SLC25A26: variants seen among roughly 807,000 people sequenced by gnomAD.
The protein encoded by SLC25A26 is mitochondrial S-adenosylmethionine carrier protein.
In SLC25A26, 36 loss-of-function variants were observed where a neutral mutation model predicts 37.8. The ratio of observed to expected loss-of-function variants is 0.95; its 90% CI spans 0.73 to 1.26. The LOEUF (loss-of-function observed/expected upper bound fraction) is 1.26. Ranked by LOEUF, SLC25A26 falls within the 50% of genes most tolerant of loss-of-function variation. The probability of loss-of-function intolerance (pLI) is 0.00; values close to 1 mark genes in which losing one functional copy is unlikely to be tolerated. For missense variants in SLC25A26, 390 were observed against 331.1 expected (o/e 1.18, Z -1.38); for synonymous variants, 129 against 122.5 (o/e 1.05, Z -0.35).
intron 1 of SLC25A26, among the ~76,000 whole-genome samples, chr3:66,209,040 G>GTA (rs1172568131): frequency 0.014 from 479 of 33,452 alleles, 8 homozygotes; most frequent in African/African-American, 0.042. Context: ...ATATAAAGGT[G>GTA]TATATATATA....
intron 5 of SLC25A26, among the ~76,000 whole-genome samples, chr3:66,331,458 A>C (rs897653310): frequency 2.0e-5 from 3 of 152,178 alleles, no homozygotes; most frequent in Admixed American, 6.5e-5. Flanking sequence ...TCTCATTTCC[A>C]TGCCTATCCT....
intron 1 of SLC25A26, among the ~76,000 whole-genome samples, chr3:66,227,994 C>T (rs187925169): frequency 6.6e-6 from 1 of 152,180 alleles, no homozygotes; most frequent in African/African-American, 2.4e-5. Context: ...TAAAGATTAT[C>T]TCCAAATTTA....
upstream of SLC25A26, chr3:66,220,752 C>T: frequency 2.4e-6 from 1 of 408,412 alleles, no homozygotes; most frequent in Non-Finnish European, 4.4e-6. Context: ...TTCAGAATCA[C>T]GCCGGCCTCA....
intron 1 of SLC25A26, among the ~76,000 whole-genome samples, chr3:66,188,732 A>T (rs1298254614): frequency 3.3e-5 from 5 of 152,100 alleles, no homozygotes; most frequent in African/African-American, 1.2e-4. Flanking sequence ...CACAAAATGG[A>T]CTAAGACACT....
At chr3:66,291,870 T>C (rs1221374684) in intron 5 of SLC25A26, among the ~76,000 whole-genome samples, 2 of 152,222 alleles carry the variant, frequency 1.3e-5, no homozygotes, top group African/African-American at 2.4e-5. Context: ...ATTTTCTGTC[T>C]TGTTGATCTG....
chr3:66,276,471 T>C (rs2074151214), intron 5 of SLC25A26, among the ~76,000 whole-genome samples: 1 of 152,090 alleles, frequency 6.6e-6, no homozygotes, highest in South Asian at 2.1e-4. Context: ...GAGCACAATT[T>C]CTGAGTGTTA....
At chr3:66,267,244 A>G (rs1288318094) in intron 5 of SLC25A26, among the ~76,000 whole-genome samples, 1 of 152,228 alleles carries the variant, frequency 6.6e-6, no homozygotes, top group Non-Finnish European at 1.5e-5. Context: ...AAGGAGTGGC[A>G]GTTAGAAGTA....
chr3:66,220,714 C>A (rs916513319), upstream of SLC25A26: 2 of 319,728 alleles, frequency 6.3e-6, no homozygotes, highest in African/African-American at 4.5e-5. Flanking sequence ...CTCCCTCCGC[C>A]ACAGCCACGC....
At chr3:66,281,584 A>G (rs1244585971) in intron 5 of SLC25A26, among the ~76,000 whole-genome samples, 1 of 152,158 alleles carries the variant, frequency 6.6e-6, no homozygotes, top group Non-Finnish European at 1.5e-5. Flanking sequence ...AAAATAGCCT[A>G]ATTGAGTTAG....
At chr3:66,142,123 A>G (rs1302484564) in intron 1 of SLC25A26, among the ~76,000 whole-genome samples, 3 of 152,052 alleles carry the variant, frequency 2.0e-5, no homozygotes, top group Admixed American at 1.3e-4. Flanking sequence ...CCCCATACCT[A>G]TTTGGCAGTT....
chr3:66,231,529 A>G (rs2072031156), intron 1 of SLC25A26, among the ~76,000 whole-genome samples: 1 of 152,140 alleles, frequency 6.6e-6, no homozygotes, highest in Non-Finnish European at 1.5e-5. Flanking sequence ...ATTAATTGTT[A>G]AAAAATTAAC....
chr3:66,227,810 A>G lies in SLC25A26; in HGVS notation c.33+6683A>G, dbSNP rs1024054416. 5.3e-5 allele frequency among the ~76,000 whole-genome samples: 8 copies of G among 152,150 alleles called. No individual in the cohort carries two copies. In the South Asian group the frequency reaches 6.2e-4, roughly 12 times the overall value. On this transcript the variant is annotated intron_variant, in intron 1 of 9. Transcript: ENST00000354883. ...ACAGGCAGTAGGATACTTGAGGGGA[A>G]CAATGTGGGTTATGATGGCAGGGGT... is the stretch of plus-strand genomic sequence containing the variant.
intron 5 of SLC25A26, among the ~76,000 whole-genome samples, chr3:66,323,605 G>C (rs550577566): frequency 7.2e-5 from 11 of 152,160 alleles, no homozygotes; most frequent in Non-Finnish European, 1.3e-4. Context: ...TTAGGAGTTT[G>C]AGACCAGCTT....
intron 5 of SLC25A26, among the ~76,000 whole-genome samples, chr3:66,293,517 T>C (rs1176229979): frequency 6.6e-6 from 1 of 152,036 alleles, no homozygotes; most frequent in Non-Finnish European, 1.5e-5. Flanking sequence ...TTTTTTTTTT[T>C]TTCCTGATCC....
rs893514374 is a variant in SLC25A26, at chr3:66,269,094, T to C, written c.453+5715T>C. Among the ~76,000 whole-genome samples, 11 of 152,236 alleles carry C rather than the reference T, an allele frequency of 7.2e-5. No individual in the cohort carries two copies. In the East Asian group the frequency reaches 2.1e-3, roughly 29 times the overall value. ...GCCATCTGCTCCTGACAAGTTTACT[T>C]AATCTGAGTCCAGGTTTGCCCATTT... On this transcript the variant is annotated intron_variant, in intron 5 of 9. Coordinates refer to ENST00000354883, the MANE Select transcript of SLC25A26 (RefSeq NM_001379210.1).
chr3:66,143,164 TAAA>T (rs538090656), intron 1 of SLC25A26, among the ~76,000 whole-genome samples: 1 of 144,124 alleles, frequency 6.9e-6, no homozygotes, highest in African/African-American at 2.5e-5. Flanking sequence ...GGCTGAATAA[TAAA>T]AAAAAAAAAA....
chr3:66,159,545 G>A (rs1216069347), intron 1 of SLC25A26, among the ~76,000 whole-genome samples: 1 of 152,136 alleles, frequency 6.6e-6, no homozygotes, highest in Non-Finnish European at 1.5e-5. Context: ...AGCATGTCCT[G>A]CCACATTCTT....
At chr3:66,350,706 G>T (rs1348483006) in intron 6 of SLC25A26, among the ~76,000 whole-genome samples, 1 of 131,864 alleles carries the variant, frequency 7.6e-6, no homozygotes, top group East Asian at 3.9e-4. Context: ...GTGTGTGTGT[G>T]TGTGTGTGAG....
Position 66,337,700 on chromosome 3 carries a change from A to G in SLC25A26, c.454-8664A>G, listed in dbSNP as rs1176705600. ...TCTGTATATTAATTTTAATAATGCA[A>G]ATGTAGTCATGCTTTACACATACAC... is the stretch of plus-strand genomic sequence containing the variant. On this transcript the variant is annotated intron_variant, in intron 5 of 9. Coordinates refer to ENST00000354883, the MANE Select transcript of SLC25A26 (RefSeq NM_001379210.1). Among the ~76,000 whole-genome samples the G allele has an allele frequency of 4.6e-5, 7 of 152,030 alleles. 1 individual carries two copies. The highest frequency in any genetic ancestry group is 4.6e-4 in the Admixed American group (7 of 15,264).
Sources: allele counts gnomAD v4.1 joint callset (sites outside exome capture counted in the v4.1 genomes callset), GRCh38; gene constraint gnomAD v4.1.1; transcripts MANE v1.5; gene names NCBI Gene and HGNC (gene_info 2026-07-23, HGNC 2026-07-21).